NAV2: variants seen among roughly 807,000 people sequenced by gnomAD.
The protein encoded by NAV2 is helicase, APC down-regulated 1.
NAV2 carries 54 observed loss-of-function variants against 223.2 expected under a neutral mutation model. The ratio of observed to expected loss-of-function variants is 0.24; its 90% CI spans 0.19 to 0.30. The LOEUF is 0.30. Ranked by LOEUF, NAV2 falls within the 10% of genes least tolerant of loss-of-function variation. NAV2 has a pLI of 1.00. For missense variants in NAV2, 2,806 were observed against 3,147.5 expected, an observed-to-expected ratio of 0.89 and a Z score of 2.60; for synonymous variants, 1,279 against 1,239.3, an observed-to-expected ratio of 1.03 and a Z score of -0.67.
At chr11:19,704,794 C>T (rs1400441140) in intron 1 of NAV2, among the ~76,000 whole-genome samples, 1 of 151,948 alleles carries the variant, frequency 6.6e-6, no homozygotes, top group Non-Finnish European at 1.5e-5. Flanking sequence ...GGGTGGATCA[C>T]GAGGTCAGGA....
Position 19,713,640 on chromosome 11 carries a change from TCGCCCCCGC to T in NAV2, c.-51_-43del. The T allele has an allele frequency of 6.7e-7, 1 of 1,492,426 alleles. No homozygotes were observed. The highest frequency in any genetic ancestry group is 8.9e-7 in the Non-Finnish European group (1 of 1,120,548). 92.4% of individuals were successfully genotyped at this position (1,492,426 alleles called of 1,614,324 possible). On this transcript the variant is annotated 5_prime_UTR_variant, in exon 1 of 38. Coordinates refer to ENST00000349880, the MANE Select transcript of NAV2 (RefSeq NM_145117.5). The surrounding 1 kb of genome is among the most constrained non-coding windows in gnomAD (Gnocchi z 7.2). ...CTGCTACCCGCGCTGCCTTTAGCGG[TCGCCCCCGC>T]CGCCGCTGCCAGGGACGTGCTGGGA...
At chr11:19,951,282 G>T (rs1472271298) in intron 10 of NAV2, among the ~76,000 whole-genome samples, 1 of 152,136 alleles carries the variant, frequency 6.6e-6, no homozygotes, top group Admixed American at 6.5e-5. Flanking sequence ...TGTTTTCTGA[G>T]CTGCCCAACA....
chr11:19,707,713 A>G (rs539716005), intron 1 of NAV2, among the ~76,000 whole-genome samples: 74 of 152,356 alleles, frequency 4.9e-4, no homozygotes, highest in African/African-American at 1.6e-3. Context: ...TCAAGTATTT[A>G]TCATCAACTA....
intron 2 of NAV2, among the ~76,000 whole-genome samples, chr11:19,836,662 C>G (rs1253673989): frequency 1.2e-4 from 18 of 151,856 alleles, no homozygotes; most frequent in African/African-American, 4.4e-4. Context: ...GGGCAGCTTA[C>G]TACCTTTTCA....
In NAV2 at chr11:19,683,704, C is replaced by A. The variant is rs16937131; in HGVS notation, c.76-148780C>A. On this transcript the variant is annotated intron_variant, in intron 1 of 37. Coordinates refer to the NAV2 transcript ENST00000360655. ...TTCCAGTCGGGTCTGTGTGAGTTGGCTCTGCCCCTTTCTGGCTGAGTGACC... is the reference window on the plus strand; with the variant it reads ...TTCCAGTCGGGTCTGTGTGAGTTGGATCTGCCCCTTTCTGGCTGAGTGACC... Among the ~76,000 whole-genome samples, 1,321 of 152,340 alleles carry A rather than the reference C, an allele frequency of 8.7e-3. 8 individuals are homozygous for A. The highest frequency in any genetic ancestry group is 0.03 in the African/African-American group (1,252 of 41,586).
intron 2 of NAV2, among the ~76,000 whole-genome samples, chr11:19,838,023 G>C (rs2152928108): frequency 6.6e-6 from 1 of 152,306 alleles, no homozygotes; most frequent in Middle Eastern, 3.4e-3. Flanking sequence ...TGATATGTGT[G>C]CCTTACAGAT....
At chr11:20,063,566 G>T (rs1429604014) in intron 20 of NAV2, among the ~76,000 whole-genome samples, 1 of 151,966 alleles carries the variant, frequency 6.6e-6, no homozygotes, top group Non-Finnish European at 1.5e-5. Context: ...GTAGAGACGG[G>T]ATTTCACCAT....
intron 9 of NAV2, among the ~76,000 whole-genome samples, chr11:19,947,848 A>G (rs1022107670): frequency 6.6e-6 from 1 of 152,200 alleles, no homozygotes; most frequent in Non-Finnish European, 1.5e-5. Flanking sequence ...GTCTGGGGGA[A>G]GTGAACTTTA....
At chr11:19,522,764 GA>G (rs1217435891) in intron 1 of NAV2, among the ~76,000 whole-genome samples, 1 of 152,210 alleles carries the variant, frequency 6.6e-6, no homozygotes, top group Non-Finnish European at 1.5e-5. Flanking sequence ...CTGTAGAAGA[GA>G]ACATGCTCTG....
chr11:19,565,372 CT>C (rs778209226), intron 1 of NAV2, among the ~76,000 whole-genome samples: 1 of 152,190 alleles, frequency 6.6e-6, no homozygotes, highest in African/African-American at 2.4e-5. Flanking sequence ...CCCATTTGTT[CT>C]CCAATTAAAG....
At position 19,880,197 on chromosome 11, in the gene NAV2, C is replaced by T. The variant is rs375155436; in HGVS notation, c.770+70C>T. ...TCCTCCACCCCAACCAATCTCTAGG[C>T]TATCCTGTATGGCTTTTTCATTTGT... On this transcript the variant is annotated intron_variant, in intron 5 of 37. Transcript: ENST00000349880. 2.7e-6 allele frequency: 4 copies of T among 1,467,620 alleles called. No individual in the cohort carries two copies. The East Asian group carries it at 9.9e-5, about 36-fold the overall frequency. The allele number at this position is 1,467,620 out of a possible 1,614,324, so 90.9% of individuals were successfully genotyped here.
chr11:19,346,629 A>G (rs1853028912), upstream of NAV2, among the ~76,000 whole-genome samples: 1 of 152,216 alleles, frequency 6.6e-6, no homozygotes. Flanking sequence ...TCTTCAGGGA[A>G]GAGGCGGGAG....
chr11:19,651,343 C>T (rs2047963647), intron 1 of NAV2, among the ~76,000 whole-genome samples: 1 of 152,196 alleles, frequency 6.6e-6, no homozygotes, highest in Admixed American at 6.5e-5. Context: ...TGCTAGGCCC[C>T]AAGGTGGAGA....
chr11:19,969,585 G>GT (rs900093180), intron 10 of NAV2, among the ~76,000 whole-genome samples: 1 of 151,906 alleles, frequency 6.6e-6, no homozygotes, highest in African/African-American at 2.4e-5. Flanking sequence ...AAACTATGGG[G>GT]TTTTTTTCCT....
At chr11:19,812,092 C>T (rs2058862841) in intron 1 of NAV2, among the ~76,000 whole-genome samples, 1 of 152,078 alleles carries the variant, frequency 6.6e-6, no homozygotes, top group Non-Finnish European at 1.5e-5. Flanking sequence ...ATCTCAAGAG[C>T]AGACCAGAAT....
chr11:19,624,183 G>A (rs908941671), intron 1 of NAV2, among the ~76,000 whole-genome samples: 11 of 152,190 alleles, frequency 7.2e-5, no homozygotes, highest in Admixed American at 3.9e-4. Context: ...ACCCTACTGC[G>A]AGGTGCCTCC....
intron 11 of NAV2, among the ~76,000 whole-genome samples, chr11:19,999,991 C>T (rs1159943744): frequency 6.6e-6 from 1 of 152,212 alleles, no homozygotes; most frequent in Non-Finnish European, 1.5e-5. Flanking sequence ...GCACCGTGGC[C>T]ACTGGCCTGT....
intron 1 of NAV2, among the ~76,000 whole-genome samples, chr11:19,534,204 C>T (rs2044118279): frequency 6.6e-6 from 1 of 152,160 alleles, no homozygotes; most frequent in African/African-American, 2.4e-5. Context: ...TGTTGGCCAA[C>T]CCCTGGTAGC....
chr11:19,532,712 G>T (rs1474953769), intron 1 of NAV2, among the ~76,000 whole-genome samples: 1 of 152,186 alleles, frequency 6.6e-6, no homozygotes, highest in Non-Finnish European at 1.5e-5. Context: ...TCCCTGCTGG[G>T]ATTGATGCAT....
Sources: allele counts gnomAD v4.1 joint callset (sites outside exome capture counted in the v4.1 genomes callset), GRCh38; gene constraint gnomAD v4.1.1; non-coding constraint Gnocchi (gnomAD v3.1); transcripts MANE v1.5; gene names NCBI Gene and HGNC (gene_info 2026-07-23, HGNC 2026-07-21).